The following ZNG1A variants were observed in gnomAD, a reference collection of about 807,000 sequenced individuals.
ZNG1A encodes zinc-regulated GTPase metalloprotein activator 1A.
the ZNG1A span, among the ~76,000 whole-genome samples, chr9:138,862 C>T: frequency 3.3e-5 from 5 of 149,592 alleles, no homozygotes; most frequent in Admixed American, 1.3e-4. Flanking sequence ...CATGTTTGTG[C>T]CACTGCACTC....
chr9:129,813 T>C, the ZNG1A span, among the ~76,000 whole-genome samples: 5 of 111,114 alleles, frequency 4.5e-5, no homozygotes, highest in East Asian at 1.5e-3. Context: ...AGGTCTCATG[T>C]TAAGTGTTTT....
chr9:150,116 G>GGT, the ZNG1A span: 2 of 101,388 alleles, frequency 2.0e-5, no homozygotes, highest in Non-Finnish European at 3.7e-5. Flanking sequence ...CAAATCTCCG[G>GGT]TTTTGTTTTT....
At chr9:141,943 GAAGGCCATTACATAATGGTA>G in the ZNG1A span, among the ~76,000 whole-genome samples, 3 of 151,016 alleles carry the variant, frequency 2.0e-5, no homozygotes, top group Non-Finnish European at 4.4e-5. Flanking sequence ...AAGAGACAAA[GAAGGCCATTACATAATGGTA>G]AAGGGATCAA....
At chr9:156,018 T>C in the ZNG1A span, among the ~76,000 whole-genome samples, 2 of 150,748 alleles carry the variant, frequency 1.3e-5, no homozygotes, top group Admixed American at 6.6e-5. Flanking sequence ...CGGGTGCCTG[T>C]AATCCCAGCT....
chr9:167,339 T>C, the ZNG1A span: 727 of 151,152 alleles, frequency 4.8e-3, 6 homozygotes, highest in African/African-American at 0.016. Context: ...AGAGAAAACA[T>C]TGGACAAAGA....
chr9:157,781 A>G, the ZNG1A span, among the ~76,000 whole-genome samples: 10 of 146,622 alleles, frequency 6.8e-5, no homozygotes, highest in Non-Finnish European at 1.4e-4. Context: ...CATATATCAG[A>G]GCCAAACCAG....
At chr9:169,001 T>C in the ZNG1A span, among the ~76,000 whole-genome samples, 1 of 152,128 alleles carries the variant, frequency 6.6e-6, no homozygotes, top group Non-Finnish European at 1.5e-5. Flanking sequence ...AGCCCACTGA[T>C]CAAGGAGTAA....
At chr9:135,217 A>C in the ZNG1A span, among the ~76,000 whole-genome samples, 1 of 151,168 alleles carries the variant, frequency 6.6e-6, no homozygotes, top group East Asian at 1.9e-4. Context: ...TTTTTTAAAA[A>C]TTTCTTTAAA....
the ZNG1A span, chr9:150,183 G>C: frequency 9.6e-6 from 1 of 104,270 alleles, no homozygotes; most frequent in African/African-American, 3.9e-5. Context: ...CTGGAGTGCA[G>C]TGGTGCGATC....
At chr9:142,835 G>C in the ZNG1A span, among the ~76,000 whole-genome samples, 1 of 120,774 alleles carries the variant, frequency 8.3e-6, no homozygotes, top group African/African-American at 3.6e-5. Context: ...GAATCAAATA[G>C]ACGCAATAAA....
At chr9:163,018 A>G in the ZNG1A span, among the ~76,000 whole-genome samples, 98 of 151,896 alleles carry the variant, frequency 6.5e-4, 2 homozygotes, top group African/African-American at 2.3e-3. Context: ...GCAATCTCTG[A>G]ATATATGCTG....
chr9:154,253 G>C, the ZNG1A span: 540 of 175,112 alleles, frequency 3.1e-3, 1 homozygote, highest in African/African-American at 0.01. Context: ...ACATAGGAAG[G>C]GGGGAGAGAC....
chr9:139,944 G>A, the ZNG1A span, among the ~76,000 whole-genome samples: 10 of 150,586 alleles, frequency 6.6e-5, no homozygotes, highest in South Asian at 4.2e-4. Context: ...CCAATACTGC[G>A]CTTTTCCGAT....
At chr9:129,822 T>C in the ZNG1A span, among the ~76,000 whole-genome samples, 4 of 117,644 alleles carry the variant, frequency 3.4e-5, no homozygotes, top group Non-Finnish European at 7.9e-5. Context: ...GTTAAGTGTT[T>C]TTTACCACAA....
the ZNG1A span, among the ~76,000 whole-genome samples, chr9:155,548 G>A: frequency 3.9e-5 from 6 of 152,176 alleles, no homozygotes; most frequent in African/African-American, 1.4e-4. Context: ...AGATAACAAA[G>A]TAGATGATAA....
At chr9:176,255 G>A in the ZNG1A span, among the ~76,000 whole-genome samples, 1 of 138,660 alleles carries the variant, frequency 7.2e-6, no homozygotes, top group Non-Finnish European at 1.5e-5. Flanking sequence ...TATCCAGCAG[G>A]TGGCATATAA....
chr9:145,759 AAG>A, the ZNG1A span, among the ~76,000 whole-genome samples: 1 of 151,834 alleles, frequency 6.6e-6, no homozygotes, highest in African/African-American at 2.4e-5. Context: ...AAATAAAGTG[AAG>A]AGAGTTATTT....
the ZNG1A span, among the ~76,000 whole-genome samples, chr9:145,692 G>A: frequency 6.7e-6 from 1 of 149,758 alleles, no homozygotes; most frequent in Non-Finnish European, 1.5e-5. Context: ...AAAACTTAAA[G>A]TATAATAATA....
At chr9:146,209 C>G in the ZNG1A span, 1 of 1,583,244 alleles carries the variant, frequency 6.3e-7, no homozygotes, top group African/African-American at 1.4e-5. Flanking sequence ...TGAAATACAT[C>G]CAGTTAATCA....
Sources: allele counts gnomAD v4.1 joint callset (sites outside exome capture counted in the v4.1 genomes callset), GRCh38; gene constraint gnomAD v4.1.1; transcripts MANE v1.5; gene names NCBI Gene and HGNC (gene_info 2026-07-23, HGNC 2026-07-21).